MCOLN2: variants seen among roughly 807,000 people sequenced by gnomAD.
MCOLN2 encodes the protein mucolipin-2.
A neutral mutation model predicts 67.5 loss-of-function variants in MCOLN2; 57 were observed. The ratio of observed to expected loss-of-function variants is 0.84; its 90% CI spans 0.68 to 1.05. The LOEUF (loss-of-function observed/expected upper bound fraction) is 1.05. Ranked by LOEUF, MCOLN2 falls within the 50% of genes least tolerant of loss-of-function variation. The pLI is 0.00. For synonymous variants in MCOLN2, 246 were observed against 233.3 expected, an observed-to-expected ratio of 1.05 and a Z score of -0.50; for missense variants, 620 against 678.8, an observed-to-expected ratio of 0.91 and a Z score of 0.96.
intron 12 of MCOLN2, 134 bp downstream of exon 12, chr1:84,931,227 AG>A (rs1661386438): frequency 6.3e-6 from 4 of 634,422 alleles, no homozygotes; most frequent in Non-Finnish European, 1.1e-5. Context: ...ATTCATCTCC[AG>A]CGTCTAAAAA....
chr1:84,955,760 G>A (rs1423341685), intron 4 of MCOLN2, among the ~76,000 whole-genome samples: 1 of 152,128 alleles, frequency 6.6e-6, no homozygotes, highest in Non-Finnish European at 1.5e-5. Flanking sequence ...GCAACTTCAA[G>A]TACGGGGCTT....
rs1156721960 is a variant in MCOLN2 at position 84,987,503 on chromosome 1, G to GATATATATAC, written c.77+9292_77+9293insGTATATATAT. Among the ~76,000 whole-genome samples, 55 of 20,000 alleles carry GATATATATAC rather than the reference G, an allele frequency of 2.7e-3. 6 individuals carry two copies. The highest frequency in any genetic ancestry group is 6.6e-3 in the African/African-American group (53 of 8,058). The allele number at this position is 20,000 out of a possible 152,430, so 13.1% of individuals were successfully genotyped here. A position where few individuals can be genotyped will look rare whatever the true frequency, so the allele number is the denominator to read the frequency against. ...ATACATATATACATATGTATACATA[G>GATATATATAC]ATGTATACATATGTATATATGTATA... On this transcript the variant is annotated intron_variant, in intron 1 of 13. Coordinates refer to ENST00000370608, the MANE Select transcript of MCOLN2 (RefSeq NM_153259.4).
chr1:84,939,415 G>A (rs1647618982), intron 9 of MCOLN2, 138 bp downstream of exon 9: 1 of 823,164 alleles, frequency 1.2e-6, no homozygotes, highest in Non-Finnish European at 1.9e-6. Flanking sequence ...CCAAGCCAGG[G>A]GAGGCCTCAC....
chr1:84,984,742 T>C (rs1471479500), intron 1 of MCOLN2, among the ~76,000 whole-genome samples: 1 of 152,188 alleles, frequency 6.6e-6, no homozygotes, highest in Non-Finnish European at 1.5e-5. Flanking sequence ...TTGCCTGTAA[T>C]CCTAGCACTT....
At chr1:84,958,731 T>C (rs1203451476) in intron 2 of MCOLN2, 29 bp from the exon 3 acceptor site, 3 of 1,499,796 alleles carry the variant, frequency 2.0e-6, no homozygotes, top group African/African-American at 1.4e-5. Flanking sequence ...TAGAAACACA[T>C]GAATTACACC....
intron 6 of MCOLN2, among the ~76,000 whole-genome samples, chr1:84,951,071 G>A (rs1206900055): frequency 6.6e-6 from 1 of 152,100 alleles, no homozygotes; most frequent in African/African-American, 2.4e-5. Context: ...TGCTCCCAGT[G>A]CTCCTCTGGC....
chr1:84,937,900 T>C (rs1647525402), intron 10 of MCOLN2, 23 bp from the exon 11 acceptor site: 1 of 1,613,846 alleles, frequency 6.2e-7, no homozygotes, highest in Non-Finnish European at 8.5e-7. Context: ...ACAGAATGGG[T>C]GAAATGAAAA....
At chr1:84,937,622 T>A in intron 11 of MCOLN2, 133 bp downstream of exon 11, 1 of 1,453,936 alleles carries the variant, frequency 6.9e-7, no homozygotes, top group Non-Finnish European at 9.1e-7. Flanking sequence ...AAAAGAAAAC[T>A]GATACAAAGA....
Position 84,937,981 on chromosome 1 carries a change from A to T in MCOLN2, c.1212T>A (p.Asn404Lys), listed in dbSNP as rs1368060512. The T allele has an allele frequency of 1.2e-6, 2 of 1,613,694 alleles. No individual in the cohort carries two copies. Among genetic ancestry groups the T allele is most frequent in the African/African-American group, 1.3e-5 (1 of 74,950 alleles). Residue 404 changes from asparagine to lysine, a missense_variant and splice_region_variant, in exon 10 of 14, where the codon AAT (asparagine) becomes AAA (lysine). Physicochemically the swap from Asn to Lys is moderately conservative, Grantham distance 94. Transcript: ENST00000370608. The stretch of plus-strand genomic sequence containing the variant: ...GCACTACCCGGTGCCGCATCCTTAC[A>T]TTATATGCCTGGAAATAACCCAGGT... Reference protein sequence around the residue: ...IRYLGYFQAYNVLILTMQASL... With the variant: ...IRYLGYFQAYKVLILTMQASL...
Position 84,996,969 on chromosome 1 carries a change from G to C in MCOLN2, c.-97C>G, listed in dbSNP as rs11161504. 4.5e-6 allele frequency: 5 copies of C among 1,100,744 alleles called. No individual in the cohort carries two copies. The African/African-American group carries it at 7.8e-5, about 17-fold the overall frequency. The allele number at this position is 1,100,744 out of a possible 1,614,324, so 68.2% of individuals were successfully genotyped here. ...TCGCCCTCGCCGTAACGCGTCCGCC[G>C]AAGTTGGAGCCCTGCAAAGCGGGGT... is the stretch of plus-strand genomic sequence containing the variant. On this transcript the variant is annotated 5_prime_UTR_variant, in exon 1 of 14. Transcript: ENST00000370608.
chr1:84,970,528 A>C (rs147734270), intron 1 of MCOLN2, among the ~76,000 whole-genome samples: 1 of 151,718 alleles, frequency 6.6e-6, no homozygotes, highest in Non-Finnish European at 1.5e-5. Context: ...AAAAAAAAAA[A>C]AAATAACAGG....
intron 1 of MCOLN2, among the ~76,000 whole-genome samples, chr1:84,981,693 G>A (rs1650263143): frequency 6.6e-6 from 1 of 152,170 alleles, no homozygotes; most frequent in African/African-American, 2.4e-5. Flanking sequence ...GGATAAAGGG[G>A]CAGTAGGGAT....
chr1:84,939,932 C>G (rs1352582088), intron 8 of MCOLN2, among the ~76,000 whole-genome samples: 1 of 152,146 alleles, frequency 6.6e-6, no homozygotes, highest in African/African-American at 2.4e-5. Flanking sequence ...CGCGGTAACT[C>G]CAGCAGGTTC....
chr1:84,985,083 T>C (rs1254165810), intron 1 of MCOLN2, among the ~76,000 whole-genome samples: 1 of 151,898 alleles, frequency 6.6e-6, no homozygotes, highest in Non-Finnish European at 1.5e-5. Context: ...TACATGGTCA[T>C]ATTATCAAAA....
chr1:84,994,776 A>G (rs1651069586), intron 1 of MCOLN2, among the ~76,000 whole-genome samples: 1 of 152,230 alleles, frequency 6.6e-6, no homozygotes, highest in African/African-American at 2.4e-5. Context: ...TCACTGGAGT[A>G]GCACTTATAA....
Position 84,997,093 on chromosome 1 carries a change from G to C in MCOLN2, c.-221C>G, listed in dbSNP as rs1273439863. ...GGAGTGCGGCGGGCAGTTCTCGGGC[G>C]GCTGAAAGGCGGCTCTGTGTGCACC... is the stretch of plus-strand genomic sequence containing the variant. On this transcript the variant is annotated 5_prime_UTR_variant, in exon 1 of 14. Transcript: ENST00000370608. 1 of 570,568 alleles carries C rather than the reference G, an allele frequency of 1.8e-6. No individual in the cohort carries two copies. Among genetic ancestry groups the C allele is most frequent in the Non-Finnish European group, 3.1e-6 (1 of 322,728 alleles). 35.3% of individuals were successfully genotyped at this position (570,568 alleles called of 1,614,324 possible).
At chr1:84,962,469 G>A (rs1275656471) in intron 2 of MCOLN2, among the ~76,000 whole-genome samples, 1 of 152,192 alleles carries the variant, frequency 6.6e-6, no homozygotes, top group Non-Finnish European at 1.5e-5. Flanking sequence ...CTTGAGCCCA[G>A]GAGTTCAAGG....
chr1:84,965,473 G>A, intron 2 of MCOLN2, 76 bp downstream of exon 2: 1 of 1,482,920 alleles, frequency 6.7e-7, no homozygotes, highest in South Asian at 1.3e-5. Flanking sequence ...CAGAACAAAA[G>A]TCAAGTACAG....
At chr1:84,962,243 T>C (rs572784575) in intron 2 of MCOLN2, among the ~76,000 whole-genome samples, 1 of 152,304 alleles carries the variant, frequency 6.6e-6, no homozygotes, top group African/African-American at 2.4e-5. Context: ...AAATATTTTG[T>C]TATTTAAAGT....
Sources: gnomAD v4.1 joint callset for allele counts (sites outside exome capture counted in the v4.1 genomes callset) on GRCh38, gnomAD v4.1.1 for gene constraint, MANE v1.5 for transcripts, NCBI Gene and HGNC (gene_info 2026-07-23, HGNC 2026-07-21) for gene names.